Variants in MYO16 observed in about 807,000 individuals in gnomAD.
The protein encoded by MYO16 is myosin XVI, also known as unconventional myosin-XVI.
Under a neutral mutation model 205.3 loss-of-function variants are expected in MYO16, and 94 were observed. That is an observed-to-expected ratio of 0.46 (90% CI 0.39 to 0.54). The LOEUF is 0.54. Ranked by LOEUF, MYO16 falls within the 20% of genes least tolerant of loss-of-function variation. MYO16 has a pLI of 0.00. For missense variants in MYO16, 2,315 were observed against 2,387.5 expected (o/e 0.97, Z 0.63); for synonymous variants, 988 against 954.0 (o/e 1.04, Z -0.66).
At position 108,845,202 on chromosome 13, in the gene MYO16, C is replaced by T. The variant is rs901158292; in HGVS notation, c.1248+709C>T. Among the ~76,000 whole-genome samples, 8 of 152,264 alleles carry T rather than the reference C, an allele frequency of 5.3e-5. No individual in the cohort carries two copies. The South Asian group carries it at 8.3e-4, about 16-fold the overall frequency. On this transcript the variant is annotated intron_variant, in intron 10 of 34. Transcript: ENST00000457511. Reference sequence around the variant, plus strand: ...AGCCAGGTTTTCTAAAGATCTTCTTCTTAAAATTTAATTTTAACTTTATTA... The same window carrying T: ...AGCCAGGTTTTCTAAAGATCTTCTTTTTAAAATTTAATTTTAACTTTATTA...
At position 109,140,289 on chromosome 13, in the gene MYO16, C is replaced by A; in HGVS notation, c.4077C>A (p.Ser1359Arg). The A allele has an allele frequency of 6.2e-7, 1 of 1,600,898 alleles. No homozygotes were observed. Among genetic ancestry groups the A allele is most frequent in the Non-Finnish European group, 8.5e-7 (1 of 1,179,186 alleles). ...CTCTGGCCCGGCCCAGACCGCACAG[C>A]GACGACTACAGCACCATGAAGAAGA... ...NEALARPRPHSDDYSTMKKIP... is the reference protein window; with the variant it reads ...NEALARPRPHRDDYSTMKKIP... The change falls in exon 32 of 35, where the codon AGC (serine) becomes AGA (arginine). Residue 1359 changes from serine (S) to arginine (R), a missense_variant. By Grantham distance (110) the Ser-to-Arg change is moderately radical. This residue lies in a region of MYO16 where 1,097 missense variants were observed against 1,092.0 expected (regional missense o/e 1.00). Coordinates refer to ENST00000457511, the MANE Select transcript of MYO16 (RefSeq NM_001198950.3). The surrounding 1 kb of genome is among the most constrained non-coding windows in gnomAD (Gnocchi z 8.0).
At chr13:108,678,068 A>G (rs1467971659) in intron 2 of MYO16, among the ~76,000 whole-genome samples, 1 of 152,378 alleles carries the variant, frequency 6.6e-6, no homozygotes, top group Middle Eastern at 3.4e-3. Flanking sequence ...GTGCCACCAT[A>G]GTACACACAG....
the MYO16 span, among the ~76,000 whole-genome samples, chr13:108,517,427 G>A: frequency 6.6e-6 from 1 of 152,164 alleles, no homozygotes; most frequent in Non-Finnish European, 1.5e-5. Context: ...AATTTATTAG[G>A]GAGAGTTGTA....
intron 8 of MYO16, 79 bp downstream of exon 8, chr13:108,820,491 C>A: frequency 8.4e-7 from 1 of 1,185,438 alleles, no homozygotes; most frequent in Non-Finnish European, 1.2e-6. Context: ...CCATCTTCAG[C>A]ACAGCTACAA....
At chr13:108,659,489 A>AT (rs1389183418) in intron 1 of MYO16, 2 of 228,322 alleles carry the variant, frequency 8.8e-6, no homozygotes, top group African/African-American at 2.3e-5. Flanking sequence ...ATAACCATAT[A>AT]TGTAGAATCC....
chr13:108,962,537 C>A, intron 19 of MYO16, 42 bp downstream of exon 19: 2 of 1,361,384 alleles, frequency 1.5e-6, no homozygotes, highest in Non-Finnish European at 2.0e-6. Flanking sequence ...AATTTAGAAT[C>A]AAATATGAAA....
At chr13:108,524,114 C>G in the MYO16 span, among the ~76,000 whole-genome samples, 1 of 147,108 alleles carries the variant, frequency 6.8e-6, no homozygotes, top group East Asian at 2.0e-4. Context: ...CTGGGCAACA[C>G]AGTGAAACCC....
rs1403746228 is a variant in MYO16 at position 109,141,086 on chromosome 13, A to G, written c.4874A>G (p.Asn1625Ser). ...LAFPPEPAPV[N>S]AGKAGPSAEA... The stretch of plus-strand genomic sequence containing the variant: ...TTCCCGCCGGAGCCCGCCCCGGTGA[A>G]CGCGGGGAAAGCGGGGCCGAGCGCA... The change falls in exon 32 of 35, where the codon AAC (asparagine) becomes AGC (serine). Residue 1625 changes from asparagine to serine, a missense_variant. Coordinates refer to ENST00000457511, the MANE Select transcript of MYO16 (RefSeq NM_001198950.3). This position sits in a 1 kb window ranked among gnomAD's most constrained non-coding sequence, Gnocchi z 4.1. The G allele has an allele frequency of 6.8e-7, 1 of 1,476,424 alleles. No homozygotes were observed. Among genetic ancestry groups the G allele is most frequent in the Non-Finnish European group, 9.0e-7 (1 of 1,116,220 alleles). 91.5% of individuals were successfully genotyped at this position (1,476,424 alleles called of 1,614,324 possible).
At chr13:108,853,954 T>TTGTG (rs5806760) in intron 10 of MYO16, among the ~76,000 whole-genome samples, 1,446 of 138,552 alleles carry the variant, frequency 0.01, 19 homozygotes, top group Middle Eastern at 0.044. Context: ...GTTTCTATTA[T>TTGTG]TGTGTGTGTG....
chr13:108,772,863 C>T (rs1029531177), intron 4 of MYO16, among the ~76,000 whole-genome samples: 1 of 151,982 alleles, frequency 6.6e-6, no homozygotes, highest in Non-Finnish European at 1.5e-5. Context: ...AGAGCATGAA[C>T]AAAAATAGGG....
intron 22 of MYO16, among the ~76,000 whole-genome samples, chr13:109,017,976 A>G (rs890173179): frequency 2.6e-5 from 4 of 152,172 alleles, no homozygotes; most frequent in Admixed American, 2.6e-4. Flanking sequence ...TCAGCTCATC[A>G]AAGTCATTCT....
intron 12 of MYO16, among the ~76,000 whole-genome samples, chr13:108,877,587 T>A (rs1879386595): frequency 6.6e-6 from 1 of 152,282 alleles, no homozygotes; most frequent in African/African-American, 2.4e-5. Flanking sequence ...ATTTTGTGTG[T>A]AATATAGCAT....
intron 2 of MYO16, among the ~76,000 whole-genome samples, chr13:108,692,925 C>A (rs1344970606): frequency 6.6e-6 from 1 of 152,014 alleles, no homozygotes; most frequent in Non-Finnish European, 1.5e-5. Context: ...TGATCAGAAA[C>A]CATAACAATG....
At chr13:109,135,572 G>A (rs764773499) in intron 31 of MYO16, among the ~76,000 whole-genome samples, 3 of 152,154 alleles carry the variant, frequency 2.0e-5, no homozygotes, top group Non-Finnish European at 4.4e-5. Flanking sequence ...TGAGCATAAC[G>A]CACTGCAGCC....
chr13:108,530,669 A>C, the MYO16 span, among the ~76,000 whole-genome samples: 6 of 152,204 alleles, frequency 3.9e-5, no homozygotes, highest in African/African-American at 1.4e-4. Context: ...CTTATGGTAA[A>C]AACTTAAGTT....
intron 28 of MYO16, among the ~76,000 whole-genome samples, chr13:109,106,757 G>A (rs891915926): frequency 1.2e-4 from 18 of 152,194 alleles, no homozygotes; most frequent in East Asian, 3.8e-4. Context: ...GCACTGCACC[G>A]ATGTGGCTCT....
At chr13:108,757,429 AAG>A (rs1370017267) in intron 4 of MYO16, among the ~76,000 whole-genome samples, 5 of 152,218 alleles carry the variant, frequency 3.3e-5, no homozygotes, top group Non-Finnish European at 7.3e-5. Context: ...CTTTCATCCA[AAG>A]ACTTACAGTC....
intron 16 of MYO16, among the ~76,000 whole-genome samples, chr13:108,929,789 C>T (rs547026016): frequency 4.6e-5 from 7 of 151,958 alleles, no homozygotes; most frequent in South Asian, 2.1e-4. Context: ...GAAACCCACA[C>T]ATGCATTAAA....
At chr13:108,659,676 C>T (rs1308229211) in intron 1 of MYO16, among the ~76,000 whole-genome samples, 1 of 152,124 alleles carries the variant, frequency 6.6e-6, no homozygotes, top group East Asian at 1.9e-4. Flanking sequence ...TTATCTGCCA[C>T]ATGTTAAGTG....
Sources: gnomAD v4.1 joint callset for allele counts (sites outside exome capture counted in the v4.1 genomes callset) on GRCh38, gnomAD v4.1.1 for gene constraint, gnomAD v4.1.1 regional missense constraint, Gnocchi (gnomAD v3.1) non-coding constraint, MANE v1.5 for transcripts, NCBI Gene and HGNC (gene_info 2026-07-23, HGNC 2026-07-21) for gene names.